Variants in PSIP1 observed in about 807,000 individuals in gnomAD.
PSIP1 encodes the protein PC4 and SFRS1-interacting protein.
PSIP1 carries 19 observed loss-of-function variants against 74.7 expected under a neutral mutation model. The ratio of observed to expected loss-of-function variants is 0.25; its 90% CI spans 0.18 to 0.37. The LOEUF (loss-of-function observed/expected upper bound fraction) is 0.37. PSIP1 is among the 10% of genes least tolerant of loss of function. PSIP1 has a pLI of 1.00. For missense variants in PSIP1, 601 were observed against 614.3 expected, an observed-to-expected ratio of 0.98 and a Z score of 0.23; for synonymous variants, 222 against 195.3, an observed-to-expected ratio of 1.14 and a Z score of -1.14.
At chr9:15,471,675 A>G in intron 10 of PSIP1, 1 of 958,474 alleles carries the variant, frequency 1.0e-6, no homozygotes, top group Non-Finnish European at 1.2e-6. Flanking sequence ...TCAAGGAGCT[A>G]AAACTACTTG....
rs7036303 is a variant in PSIP1, at chr9:15,507,812, G to A, written c.73-1175C>T. Among the ~76,000 whole-genome samples, 1,252 of 152,236 alleles carry A rather than the reference G, an allele frequency of 8.2e-3. 18 individuals carry two copies. The highest frequency in any genetic ancestry group is 0.028 in the African/African-American group (1,173 of 41,546). On this transcript the variant is annotated intron_variant, in intron 2 of 15. Coordinates refer to ENST00000380733, the MANE Select transcript of PSIP1 (RefSeq NM_033222.5). ...ATGGTGTTGCAGAAGAAGACCATCAGGATGACTGAACTGATTTGTGAGGGA... is the reference window on the plus strand; with the variant it reads ...ATGGTGTTGCAGAAGAAGACCATCAAGATGACTGAACTGATTTGTGAGGGA...
At chr9:15,503,908 G>A (rs1377356558) in intron 3 of PSIP1, among the ~76,000 whole-genome samples, 4 of 151,970 alleles carry the variant, frequency 2.6e-5, no homozygotes, top group African/African-American at 9.7e-5. Context: ...TACCATGCCA[G>A]GCTAATTTTT....
At chr9:15,496,249 C>T (rs2037068899) in intron 3 of PSIP1, among the ~76,000 whole-genome samples, 1 of 152,176 alleles carries the variant, frequency 6.6e-6, no homozygotes, top group Admixed American at 6.5e-5. Flanking sequence ...TGTTACTTAG[C>T]TAAGTCATGG....
intron 3 of PSIP1, 141 bp downstream of exon 3, chr9:15,506,420 T>C (rs940360422): frequency 9.4e-6 from 5 of 531,488 alleles, no homozygotes; most frequent in East Asian, 5.6e-5. Flanking sequence ...ACCTTAAAAA[T>C]AGAGACTTAA....
At chr9:15,497,348 G>C (rs1036391766) in intron 3 of PSIP1, among the ~76,000 whole-genome samples, 4 of 92,080 alleles carry the variant, frequency 4.3e-5, no homozygotes, top group African/African-American at 1.4e-4. Context: ...TTTTGAGACA[G>C]AGTCTTGCTC....
rs2035515187 is a variant in PSIP1 at position 15,464,999 on chromosome 9, A to C, written c.*521T>G. The C allele has an allele frequency of 9.1e-6, 2 of 219,734 alleles. No homozygotes were observed. The highest frequency in any genetic ancestry group is 4.5e-5 in the African/African-American group (2 of 44,580). The allele number at this position is 219,734 out of a possible 1,614,324, so 13.6% of individuals were successfully genotyped here. A position where few individuals can be genotyped will look rare whatever the true frequency, so the allele number is the denominator to read the frequency against. ...AATGTAGCACAATGTAGACTGTGAG[A>C]TTAAAATTAACTTTTGATAAAAAGG... On this transcript the variant is annotated 3_prime_UTR_variant, in exon 16 of 16. Transcript: ENST00000380733.
intron 3 of PSIP1, among the ~76,000 whole-genome samples, chr9:15,497,047 G>C (rs886294710): frequency 2.6e-5 from 4 of 152,110 alleles, no homozygotes; most frequent in Non-Finnish European, 4.4e-5. Flanking sequence ...AATTACATCT[G>C]ACCCAGGAAT....
rs989788050 is a variant in PSIP1 at position 15,490,182 on chromosome 9, A to C, written c.150-58T>G. The C allele has an allele frequency of 2.4e-5, 34 of 1,428,628 alleles. No individual in the cohort carries two copies. The African/African-American group carries it at 4.8e-4, about 20-fold the overall frequency. 88.5% of individuals were successfully genotyped at this position (1,428,628 alleles called of 1,614,324 possible). On this transcript the variant is annotated intron_variant, in intron 3 of 15. Coordinates refer to ENST00000380733, the MANE Select transcript of PSIP1 (RefSeq NM_033222.5). The stretch of plus-strand genomic sequence containing the variant: ...AGCAAGCTCAAATACATAATTTATT[A>C]GATAAGACACCCTATTACACAATTA...
chr9:15,473,954 AAT>A, intron 9 of PSIP1, 53 bp downstream of exon 9: 4 of 1,230,820 alleles, frequency 3.2e-6, no homozygotes, highest in South Asian at 3.9e-5. Context: ...AAAAACAAAA[AAT>A]ATATATATAA....
chr9:15,468,877 T>C (rs2035734264), intron 13 of PSIP1, 34 bp from the exon 14 acceptor site: 2 of 1,605,904 alleles, frequency 1.2e-6, no homozygotes, highest in Non-Finnish European at 1.7e-6. Context: ...CATAATTGTT[T>C]TCCTAATTGA....
chr9:15,471,083 G>A (rs753403929), intron 10 of PSIP1: 2 of 1,527,906 alleles, frequency 1.3e-6, no homozygotes, highest in Admixed American at 2.1e-5. Flanking sequence ...CCATCAATGG[G>A]GGGAAGGGGG....
intron 5 of PSIP1, among the ~76,000 whole-genome samples, chr9:15,486,589 C>T (rs1214769799): frequency 6.6e-6 from 1 of 152,160 alleles, no homozygotes; most frequent in Non-Finnish European, 1.5e-5. Flanking sequence ...TACAGTTGGA[C>T]TTCATGTTTT....
At chr9:15,499,244 T>C (rs1343450882) in intron 3 of PSIP1, among the ~76,000 whole-genome samples, 2 of 152,218 alleles carry the variant, frequency 1.3e-5, no homozygotes, top group African/African-American at 2.4e-5. Flanking sequence ...AAAATATTCA[T>C]GCTATTTCTC....
At chr9:15,504,793 C>G (rs2037509548) in intron 3 of PSIP1, among the ~76,000 whole-genome samples, 1 of 151,078 alleles carries the variant, frequency 6.6e-6, no homozygotes, top group African/African-American at 2.4e-5. Flanking sequence ...GAATTAAAGA[C>G]TTTTAAGCTT....
chr9:15,489,681 T>C (rs2036737807), intron 4 of PSIP1, among the ~76,000 whole-genome samples: 1 of 151,702 alleles, frequency 6.6e-6, no homozygotes. Context: ...ATACACCATG[T>C]AAGTCGCAAA....
At chr9:15,472,341 G>A in intron 10 of PSIP1, 2 of 1,171,260 alleles carry the variant, frequency 1.7e-6, no homozygotes, top group Non-Finnish European at 2.1e-6. Context: ...CAAACAAATG[G>A]TTGAGGATGA....
chr9:15,493,511 T>C (rs560570533), intron 3 of PSIP1, among the ~76,000 whole-genome samples: 1 of 152,330 alleles, frequency 6.6e-6, no homozygotes, highest in East Asian at 1.9e-4. Context: ...TTTTCAGGTA[T>C]CTTTACAGCA....
chr9:15,505,678 A>G (rs1448750418), intron 3 of PSIP1: 1 of 150,952 alleles, frequency 6.6e-6, no homozygotes, highest in Admixed American at 6.6e-5. Flanking sequence ...TAAATATACT[A>G]AAATCTATTG....
intron 6 of PSIP1, among the ~76,000 whole-genome samples, chr9:15,485,279 T>C (rs2036512430): frequency 6.6e-6 from 1 of 152,124 alleles, no homozygotes; most frequent in Admixed American, 6.6e-5. Flanking sequence ...CTATGTGAAA[T>C]GGCTTCATGT....
Sources: gnomAD v4.1 joint callset for allele counts (sites outside exome capture counted in the v4.1 genomes callset) on GRCh38, gnomAD v4.1.1 for gene constraint, MANE v1.5 for transcripts, NCBI Gene and HGNC (gene_info 2026-07-23, HGNC 2026-07-21) for gene names.